TMEM117: variants seen among roughly 807,000 people sequenced by gnomAD.
TMEM117 encodes transmembrane protein 117.
In TMEM117, 27 loss-of-function variants were observed where a neutral mutation model predicts 52.4. The observed-to-expected ratio is 0.51, with a 90% CI of 0.38 to 0.71. The LOEUF (loss-of-function observed/expected upper bound fraction) is 0.71, where lower values mean the gene tolerates loss of function less well. Among genes scored for constraint, TMEM117 ranks in the 30% least tolerant of loss-of-function variants. The probability of loss-of-function intolerance (pLI) is 0.00; values close to 1 mark genes in which losing one functional copy is unlikely to be tolerated. For missense variants in TMEM117, 556 were observed against 630.5 expected, an observed-to-expected ratio of 0.88 and a Z score of 1.26; for synonymous variants, 215 against 206.3, an observed-to-expected ratio of 1.04 and a Z score of -0.36.
At chr12:44,046,823 A>G (rs1946887750) in intron 3 of TMEM117, among the ~76,000 whole-genome samples, 1 of 152,180 alleles carries the variant, frequency 6.6e-6, no homozygotes, top group African/African-American at 2.4e-5. Flanking sequence ...TTGACTTCAT[A>G]TTAGCATTTA....
At chr12:44,302,321 C>G (rs1161990765) in intron 6 of TMEM117, among the ~76,000 whole-genome samples, 2 of 152,188 alleles carry the variant, frequency 1.3e-5, no homozygotes, top group African/African-American at 4.8e-5. Flanking sequence ...TGGTCTGGCC[C>G]TGACTCTGTA....
chr12:43,873,323 T>C (rs1387546927), intron 2 of TMEM117, among the ~76,000 whole-genome samples: 1 of 152,158 alleles, frequency 6.6e-6, no homozygotes, highest in African/African-American at 2.4e-5. Context: ...ATTTTAAAAG[T>C]TAAGTATTTG....
At chr12:44,133,452 G>A (rs1272870629) in intron 3 of TMEM117, among the ~76,000 whole-genome samples, 2 of 152,188 alleles carry the variant, frequency 1.3e-5, no homozygotes, top group African/African-American at 2.4e-5. Flanking sequence ...GGTCTGAAAT[G>A]TTCACAAGAT....
At chr12:43,820,579 G>A in the TMEM117 span, among the ~76,000 whole-genome samples, 3 of 137,120 alleles carry the variant, frequency 2.2e-5, no homozygotes, top group Non-Finnish European at 3.1e-5. Context: ...GGCCACAGGC[G>A]TATTTTTTTT....
chr12:43,830,092 A>G, the TMEM117 span, among the ~76,000 whole-genome samples: 1 of 151,108 alleles, frequency 6.6e-6, no homozygotes, highest in Admixed American at 6.6e-5. Flanking sequence ...TGTCTCAAAA[A>G]AAAAAAAAAA....
At chr12:44,254,501 T>G (rs1950234272) in intron 5 of TMEM117, among the ~76,000 whole-genome samples, 1 of 152,004 alleles carries the variant, frequency 6.6e-6, no homozygotes, top group African/African-American at 2.4e-5. Context: ...AAGATAAAAG[T>G]AAACATTCTC....
At position 43,918,036 on chromosome 12, in the gene TMEM117, T is replaced by C. The variant is rs145711222; in HGVS notation, c.278-26174T>C. On this transcript the variant is annotated intron_variant, in intron 2 of 7. Coordinates refer to ENST00000266534, the MANE Select transcript of TMEM117 (RefSeq NM_032256.3). ...GATAGGGAAATCCTTCAGTTTCTAT[T>C]TCTGCTCCACGAGAACACTCTTATC... is the stretch of plus-strand genomic sequence containing the variant. 2.6e-5 allele frequency among the ~76,000 whole-genome samples: 4 copies of C among 152,334 alleles called. No homozygotes were observed. In the East Asian group the frequency reaches 7.7e-4, roughly 29 times the overall value.
intron 2 of TMEM117, among the ~76,000 whole-genome samples, chr12:43,877,372 G>A (rs1220791533): frequency 2.0e-5 from 3 of 152,058 alleles, no homozygotes; most frequent in East Asian, 3.9e-4. Flanking sequence ...GGTGGCTCAC[G>A]TCTGTAATCC....
At chr12:44,367,276 C>T (rs1409503588) in intron 6 of TMEM117, among the ~76,000 whole-genome samples, 1 of 152,036 alleles carries the variant, frequency 6.6e-6, no homozygotes, top group East Asian at 1.9e-4. Context: ...GCCTTTGTCC[C>T]CAATGTCGGC....
In TMEM117 at chr12:44,171,013, CTTTTTTT is replaced by C. The variant is rs757855409; in HGVS notation, c.510+27403_510+27409del. The stretch of plus-strand genomic sequence containing the variant: ...ATTTTCTCTCTTTATTAACAAATAT[CTTTTTTT>C]TTTTTTTTTTTTTGAGACGGAGTCT... On this transcript the variant is annotated intron_variant, in intron 4 of 7. Coordinates refer to ENST00000266534, the MANE Select transcript of TMEM117 (RefSeq NM_032256.3). Among the ~76,000 whole-genome samples, 10 of 132,142 alleles carry C rather than the reference CTTTTTTT, an allele frequency of 7.6e-5. No individual in the cohort carries two copies. In the Middle Eastern group the frequency reaches 0.013, roughly 165 times the overall value. The allele number at this position is 132,142 out of a possible 152,430, so 86.7% of individuals were successfully genotyped here.
At chr12:44,095,119 A>G (rs1252595752) in intron 3 of TMEM117, among the ~76,000 whole-genome samples, 1 of 152,110 alleles carries the variant, frequency 6.6e-6, no homozygotes, top group Non-Finnish European at 1.5e-5. Context: ...TTCTGTAGTG[A>G]AAAGCACTGT....
At chr12:43,840,441 G>C (rs897581362) in intron 1 of TMEM117, among the ~76,000 whole-genome samples, 42 of 152,138 alleles carry the variant, frequency 2.8e-4, no homozygotes, top group East Asian at 5.8e-4. Context: ...AGGGAGTTGA[G>C]GGGGGGTGCA....
At chr12:44,334,347 A>G (rs1210808655) in intron 6 of TMEM117, among the ~76,000 whole-genome samples, 1 of 152,066 alleles carries the variant, frequency 6.6e-6, no homozygotes, top group Non-Finnish European at 1.5e-5. Context: ...TTAGGAAAAT[A>G]GCATTCATCC....
At chr12:44,094,403 G>C (rs1049220030) in intron 3 of TMEM117, among the ~76,000 whole-genome samples, 3 of 151,978 alleles carry the variant, frequency 2.0e-5, no homozygotes, top group African/African-American at 4.8e-5. Context: ...GAAATGTTTT[G>C]ACACTTTACC....
chr12:44,210,149 T>C lies in TMEM117; in HGVS notation c.511-1141T>C, dbSNP rs1232237498. 2.6e-5 allele frequency among the ~76,000 whole-genome samples: 4 copies of C among 152,174 alleles called. No homozygotes were observed. The East Asian group carries it at 7.7e-4, about 29-fold the overall frequency. On this transcript the variant is annotated intron_variant, in intron 4 of 7. Coordinates refer to ENST00000266534, the MANE Select transcript of TMEM117 (RefSeq NM_032256.3). ...CATTTCGTTTCTGTTTTCATAATTTTGAATCTGTCTTGTCTGGATTTGAAC... is the reference window on the plus strand; with the variant it reads ...CATTTCGTTTCTGTTTTCATAATTTCGAATCTGTCTTGTCTGGATTTGAAC...
intron 3 of TMEM117, among the ~76,000 whole-genome samples, chr12:44,121,753 A>G (rs1437494530): frequency 6.6e-6 from 1 of 152,090 alleles, no homozygotes; most frequent in Non-Finnish European, 1.5e-5. Context: ...GGTTTGTTGT[A>G]TGGGTAAGTT....
At chr12:44,238,538 G>A (rs984231308) in intron 5 of TMEM117, among the ~76,000 whole-genome samples, 13 of 151,986 alleles carry the variant, frequency 8.6e-5, no homozygotes, top group Non-Finnish European at 1.3e-4. Flanking sequence ...GAGGCGTGAG[G>A]CAGGAGGATG....
At chr12:44,372,142 T>C (rs1442557851) in intron 6 of TMEM117, among the ~76,000 whole-genome samples, 1 of 152,182 alleles carries the variant, frequency 6.6e-6, no homozygotes, top group Non-Finnish European at 1.5e-5. Flanking sequence ...TAAGATTTAA[T>C]AGCAGAGAAC....
intron 4 of TMEM117, among the ~76,000 whole-genome samples, chr12:44,147,689 A>G (rs1948663408): frequency 1.3e-5 from 2 of 152,094 alleles, no homozygotes; most frequent in Non-Finnish European, 2.9e-5. Context: ...TAACCCCAGC[A>G]CTTGGGAGGC....
Sources: gnomAD v4.1 joint callset for allele counts (sites outside exome capture counted in the v4.1 genomes callset) on GRCh38, gnomAD v4.1.1 for gene constraint, MANE v1.5 for transcripts, NCBI Gene and HGNC (gene_info 2026-07-23, HGNC 2026-07-21) for gene names.